Variants in IREB2 observed in about 807,000 individuals in gnomAD.
IREB2 encodes the protein iron-responsive element-binding protein 2.
A neutral mutation model predicts 118.8 loss-of-function variants in IREB2; 39 were observed. The observed-to-expected ratio is 0.33, with a 90% CI of 0.25 to 0.43. The LOEUF is 0.43. IREB2 is among the 20% of genes least tolerant of loss of function. The probability of loss-of-function intolerance (pLI) is 1.00; values close to 1 mark genes in which losing one functional copy is unlikely to be tolerated. For missense variants in IREB2, 900 were observed against 1,147.3 expected, an observed-to-expected ratio of 0.78 and a Z score of 3.11; for synonymous variants, 372 against 392.2, an observed-to-expected ratio of 0.95 and a Z score of 0.61.
chr15:78,446,549 C>G (rs1222463703), intron 2 of IREB2, among the ~76,000 whole-genome samples: 1 of 152,038 alleles, frequency 6.6e-6, no homozygotes, highest in Non-Finnish European at 1.5e-5. Flanking sequence ...TGCCCTGTTC[C>G]ACTCTTCTGC....
intron 2 of IREB2, among the ~76,000 whole-genome samples, chr15:78,449,681 T>G (rs1275467872): frequency 6.6e-6 from 1 of 152,194 alleles, no homozygotes; most frequent in African/African-American, 2.4e-5. Flanking sequence ...TACTGAGAGA[T>G]ACACTGTGTT....
intron 13 of IREB2, among the ~76,000 whole-genome samples, chr15:78,487,296 T>C (rs908341529): frequency 6.6e-6 from 1 of 152,176 alleles, no homozygotes; most frequent in Non-Finnish European, 1.5e-5. Flanking sequence ...TTTTAAAAGG[T>C]CATGTTATAT....
At chr15:78,487,040 G>A (rs983966890) in intron 13 of IREB2, among the ~76,000 whole-genome samples, 1 of 152,148 alleles carries the variant, frequency 6.6e-6, no homozygotes, top group African/African-American at 2.4e-5. Flanking sequence ...ATAAATTTTA[G>A]ACTTTTTTGC....
At chr15:78,467,051 C>A (rs1448969827) in intron 5 of IREB2, among the ~76,000 whole-genome samples, 2 of 151,458 alleles carry the variant, frequency 1.3e-5, no homozygotes, top group Non-Finnish European at 2.9e-5. Context: ...AACCCTGTGT[C>A]TACAAAAAAT....
At chr15:78,468,822 G>A (rs1566975486) in intron 5 of IREB2, among the ~76,000 whole-genome samples, 1 of 152,002 alleles carries the variant, frequency 6.6e-6, no homozygotes, top group Non-Finnish European at 1.5e-5. Flanking sequence ...ATCAAATTTT[G>A]AAAGTTTTAT....
intron 2 of IREB2, among the ~76,000 whole-genome samples, chr15:78,449,100 A>G (rs1211028794): frequency 1.3e-5 from 2 of 152,224 alleles, no homozygotes; most frequent in East Asian, 1.9e-4. Context: ...AGGTCACAAC[A>G]TATCTTCTAG....
At position 78,473,315 on chromosome 15, in the gene IREB2, A is replaced by G. The variant is rs751591597; in HGVS notation, c.957A>G (p.Gly319=). ...PVSLTLPEVV[G]CELTGSSNPF... is the part of the protein sequence containing the mutation. The stretch of plus-strand genomic sequence containing the variant: ...CTCTTACTTTACCAGAGGTGGTTGG[A>G]TGTGAGTTAACTGGGTCATCAAACC... Residue 319 remains glycine, a synonymous_variant, in exon 8 of 22, where the codon GGA becomes GGG. Coordinates refer to ENST00000258886, the MANE Select transcript of IREB2 (RefSeq NM_004136.4). The G allele has an allele frequency of 2.5e-6, 4 of 1,613,742 alleles. No homozygotes were observed. The highest frequency in any genetic ancestry group is 3.4e-6 in the Non-Finnish European group (4 of 1,179,784).
chr15:78,476,829 C>T (rs982740115), intron 9 of IREB2: 1 of 152,166 alleles, frequency 6.6e-6, no homozygotes, highest in African/African-American at 2.4e-5. Context: ...TTTTTGTAAC[C>T]TGATTAACTA....
chr15:78,467,711 G>C (rs2051308018), intron 5 of IREB2, among the ~76,000 whole-genome samples: 1 of 151,966 alleles, frequency 6.6e-6, no homozygotes, highest in Non-Finnish European at 1.5e-5. Context: ...AAGTCATACA[G>C]CTTTTTAAAA....
chr15:78,494,601 C>T (rs1036873643), intron 20 of IREB2, among the ~76,000 whole-genome samples: 1 of 151,816 alleles, frequency 6.6e-6, no homozygotes, highest in African/African-American at 2.4e-5. Context: ...GTTTTGAGAC[C>T]ATGTCCTTGT....
chr15:78,443,057 G>A lies in IREB2; in HGVS notation c.106+3176G>A, dbSNP rs184497627. The stretch of plus-strand genomic sequence containing the variant: ...TGTTCCAAGACCCTCAGTAGACACC[G>A]GAGACTATGGGTACTACCAAACCGT... On this transcript the variant is annotated intron_variant, in intron 2 of 21. Transcript: ENST00000258886. Among the ~76,000 whole-genome samples, 9 of 152,268 alleles carry A rather than the reference G, an allele frequency of 5.9e-5. No homozygotes were observed. In the East Asian group the frequency reaches 1.2e-3, roughly 20 times the overall value.
chr15:78,474,129 G>A (rs575548159), intron 8 of IREB2: 1 of 152,248 alleles, frequency 6.6e-6, no homozygotes, highest in South Asian at 2.1e-4. Flanking sequence ...ACAATAATTT[G>A]TAACTCTTCT....
chr15:78,458,820 T>G (rs576949699), intron 2 of IREB2, among the ~76,000 whole-genome samples: 1 of 152,334 alleles, frequency 6.6e-6, no homozygotes, highest in South Asian at 2.1e-4. Flanking sequence ...GTTTTGTTGT[T>G]GTTTTTTGAG....
chr15:78,493,240 T>C (rs1457182850), intron 18 of IREB2, among the ~76,000 whole-genome samples: 2 of 152,118 alleles, frequency 1.3e-5, no homozygotes, highest in South Asian at 2.1e-4. Context: ...AGGGAACATA[T>C]ACTGTCATTC....
At chr15:78,470,171 G>A (rs1001369660) in intron 5 of IREB2, among the ~76,000 whole-genome samples, 1 of 152,196 alleles carries the variant, frequency 6.6e-6, no homozygotes, top group African/African-American at 2.4e-5. Context: ...TGGCACAAGA[G>A]CCAGGTGGGG....
At chr15:78,437,951 G>C (rs1184414660), upstream of IREB2, among the ~76,000 whole-genome samples, 1 of 152,220 alleles carries the variant, frequency 6.6e-6, no homozygotes, top group African/African-American at 2.4e-5. Context: ...TCGAATTCAT[G>C]ACCCCAATAG....
chr15:78,488,735 A>G lies in IREB2; in HGVS notation c.2040A>G (p.Ile680Met). 2 of 1,554,546 alleles carry G rather than the reference A, an allele frequency of 1.3e-6. No individual in the cohort carries two copies. The highest frequency in any genetic ancestry group is 1.8e-6 in the Non-Finnish European group (2 of 1,127,208). ...EVHRVEEEHV[I>M]LSMFKALKDK... Reference sequence around the variant, plus strand: ...ATCGAGTAGAGGAAGAACATGTTATACTATCCATGTTTAAAGCATTAAAAG... The same window carrying G: ...ATCGAGTAGAGGAAGAACATGTTATGCTATCCATGTTTAAAGCATTAAAAG... The change falls in exon 16 of 22, where the codon ATA becomes ATG. Residue 680 changes from isoleucine to methionine, a missense_variant. Coordinates refer to ENST00000258886, the MANE Select transcript of IREB2 (RefSeq NM_004136.4).
chr15:78,438,443 C>T (rs1595979208), intron 1 of IREB2, 87 bp downstream of exon 1: 14 of 1,458,876 alleles, frequency 9.6e-6, no homozygotes, highest in Non-Finnish European at 1.3e-5. Flanking sequence ...CGCCTGGAGT[C>T]GCTCGGCAGG....
At position 78,497,111 on chromosome 15, in the gene IREB2, G is replaced by A. The variant is rs936689389; in HGVS notation, c.2596-15G>A. 1.4e-5 allele frequency: 23 copies of A among 1,596,784 alleles called. No individual in the cohort carries two copies. Among genetic ancestry groups the A allele is most frequent in the East Asian group, 2.2e-5 (1 of 44,790 alleles). On this transcript the variant is annotated splice_polypyrimidine_tract_variant and intron_variant, in intron 20 of 21. Coordinates refer to ENST00000258886, the MANE Select transcript of IREB2 (RefSeq NM_004136.4). ...CAGAAGTGATTAGAGGGAATAAAAT[G>A]CACATTTATTACAGGGTGTGAAAGC...
Sources: gnomAD v4.1 joint callset for allele counts (sites outside exome capture counted in the v4.1 genomes callset) on GRCh38, gnomAD v4.1.1 for gene constraint, MANE v1.5 for transcripts, NCBI Gene and HGNC (gene_info 2026-07-23, HGNC 2026-07-21) for gene names.